The following EIF4G3 variants were observed in gnomAD, a reference collection of about 807,000 sequenced individuals.
EIF4G3 encodes the protein eukaryotic translation initiation factor 4 gamma 3.
A neutral mutation model predicts 186.4 loss-of-function variants in EIF4G3; 34 were observed. The observed-to-expected ratio is 0.18, with a 90% confidence interval of 0.14 to 0.24. EIF4G3 has a LOEUF of 0.24. Among genes scored for constraint, EIF4G3 ranks in the 10% least tolerant of loss-of-function variants. The probability of loss-of-function intolerance (pLI) is 1.00; values close to 1 mark genes in which losing one functional copy is unlikely to be tolerated. For synonymous variants in EIF4G3, 673 were observed against 679.5 expected, an observed-to-expected ratio of 0.99 and a Z score of 0.15; for missense variants, 1,536 against 1,948.5, an observed-to-expected ratio of 0.79 and a Z score of 3.99.
rs765396267 is a variant in EIF4G3, at chr1:21,125,769, TATACACAC to T, written c.-271-36564_-271-36557del. On this transcript the variant is annotated intron_variant, in intron 2 of 36. Coordinates refer to ENST00000602326, the MANE Select transcript of EIF4G3 (RefSeq NM_001391906.1). The stretch of plus-strand genomic sequence containing the variant: ...AATATATATAATTTTTTTATATATA[TATACACAC>T]ACACACACACACACACACACACACA... Among the ~76,000 whole-genome samples the T allele has an allele frequency of 3.4e-3, 387 of 114,494 alleles. 1 individual carries two copies. Among genetic ancestry groups the T allele is most frequent in the African/African-American group, 8.4e-3 (241 of 28,574 alleles). 75.1% of individuals were successfully genotyped at this position (114,494 alleles called of 152,430 possible).
chr1:21,031,109 C>T (rs550621114), intron 4 of EIF4G3, among the ~76,000 whole-genome samples: 76 of 152,008 alleles, frequency 5.0e-4, no homozygotes, highest in African/African-American at 1.8e-3. Context: ...TCACTTGAAC[C>T]CAGGAGGTGT....
chr1:21,001,870 T>C (rs752911968), intron 5 of EIF4G3, among the ~76,000 whole-genome samples: 2 of 152,218 alleles, frequency 1.3e-5, no homozygotes, highest in Non-Finnish European at 2.9e-5. Flanking sequence ...TAGGAGCTAA[T>C]GCAATGAGGT....
chr1:21,117,889 T>A (rs1261618596), intron 2 of EIF4G3, among the ~76,000 whole-genome samples: 1 of 152,118 alleles, frequency 6.6e-6, no homozygotes, highest in Non-Finnish European at 1.5e-5. Flanking sequence ...CTACTAGGTC[T>A]TTGTTCAACA....
chr1:20,998,930 C>A (rs2082895901), intron 6 of EIF4G3: 4 of 286,844 alleles, frequency 1.4e-5, no homozygotes, highest in Non-Finnish European at 2.9e-5. Flanking sequence ...CAGCTTAACA[C>A]TACAGATGAA....
chr1:21,176,578 G>GCCGCCGCCGCCGCCTCCGCCT (rs2098115265), intron 1 of EIF4G3, 144 bp downstream of exon 1: 1 of 159,810 alleles, frequency 6.3e-6, no homozygotes, highest in Non-Finnish European at 1.3e-5. Context: ...CGCCGCCGCC[G>GCCGCCGCCGCCGCCTCCGCCT]CCGCCGCCGC....
chr1:20,844,426 T>C (rs1471026706), intron 29 of EIF4G3, among the ~76,000 whole-genome samples: 1 of 152,230 alleles, frequency 6.6e-6, no homozygotes, highest in Non-Finnish European at 1.5e-5. Context: ...TATCTTGTGA[T>C]TGTTGGCCAC....
intron 4 of EIF4G3, among the ~76,000 whole-genome samples, chr1:21,036,784 G>A (rs2093240012): frequency 6.6e-6 from 1 of 152,146 alleles, no homozygotes; most frequent in Non-Finnish European, 1.5e-5. Flanking sequence ...GAGAGGCTGA[G>A]GTGGGAGGAT....
At chr1:20,866,685 G>C (rs1469105445) in intron 20 of EIF4G3, among the ~76,000 whole-genome samples, 1 of 152,014 alleles carries the variant, frequency 6.6e-6, no homozygotes, top group Non-Finnish European at 1.5e-5. Context: ...ACACAATAAT[G>C]GACTAAGAAA....
intron 6 of EIF4G3, among the ~76,000 whole-genome samples, chr1:21,000,366 C>T (rs1474997369): frequency 2.0e-5 from 3 of 152,000 alleles, no homozygotes; most frequent in African/African-American, 4.8e-5. Flanking sequence ...ACAGAAAAGC[C>T]TAAAACTGCG....
At chr1:20,882,299 C>T (rs754680682) in intron 19 of EIF4G3, among the ~76,000 whole-genome samples, 1 of 151,972 alleles carries the variant, frequency 6.6e-6, no homozygotes, top group African/African-American at 2.4e-5. Flanking sequence ...CTGCAGGAGG[C>T]CAGGAGTTTG....
Position 20,860,427 on chromosome 1 carries a change from T to C in EIF4G3, c.3202A>G (p.Arg1068Gly). 6.2e-7 allele frequency: 1 copy of C among 1,614,162 alleles called. No homozygotes were observed. The highest frequency in any genetic ancestry group is 8.5e-7 in the Non-Finnish European group (1 of 1,180,008). ...TTGGTCATGAGTTGCTGGACCTTCCTTTGCTCTTCTTGTTCTTCTATTTTA... is the reference window on the plus strand; with the variant it reads ...TTGGTCATGAGTTGCTGGACCTTCCCTTGCTCTTCTTGTTCTTCTATTTTA... Reference protein sequence around the residue: ...EAKIEEQEEQRKVQQLMTKEK... With the variant: ...EAKIEEQEEQGKVQQLMTKEK... Residue 1068 changes from arginine (R) to glycine (G), a missense_variant, in exon 24 of 37, where the codon AGG becomes GGG. Physicochemically the swap from Arg to Gly is moderately radical, Grantham distance 125. Coordinates refer to ENST00000602326, the MANE Select transcript of EIF4G3 (RefSeq NM_001391906.1).
At position 20,899,983 on chromosome 1, in the gene EIF4G3, C is replaced by T. The variant is rs374520420; in HGVS notation, c.1753-40G>A. The T allele has an allele frequency of 3.4e-4, 542 of 1,576,154 alleles. 1 individual carries two copies. The highest frequency in any genetic ancestry group is 4.6e-4 in the South Asian group (39 of 84,064). On this transcript the variant is annotated intron_variant, in intron 15 of 36. Coordinates refer to ENST00000602326, the MANE Select transcript of EIF4G3 (RefSeq NM_001391906.1). ...AACAAAGAGGTTACATTTTTTTCCA[C>T]GGGTGTAAATATACATAAAAACCTA...
chr1:20,884,965 T>C (rs1231880059), intron 19 of EIF4G3, among the ~76,000 whole-genome samples: 1 of 152,254 alleles, frequency 6.6e-6, no homozygotes. Context: ...TAGGATAAAA[T>C]TGTTCCACCT....
intron 2 of EIF4G3, among the ~76,000 whole-genome samples, chr1:21,173,693 T>C (rs1289165597): frequency 6.6e-6 from 1 of 152,074 alleles, no homozygotes; most frequent in Non-Finnish European, 1.5e-5. Flanking sequence ...GTCTCAAAAA[T>C]AAATAAATAA....
rs751168079 is a variant in EIF4G3, at chr1:20,969,437, CA to C, written c.714+36del. 3.7e-6 allele frequency: 6 copies of C among 1,611,226 alleles called. No homozygotes were observed. In the African/African-American group the frequency reaches 8.0e-5, roughly 22 times the overall value. The stretch of plus-strand genomic sequence containing the variant: ...GAAGAGTTCAGTAGAGGTTAGTGAA[CA>C]AATAGTGCCATCCATTACAGCTCAC... On this transcript the variant is annotated intron_variant, in intron 12 of 36. Coordinates refer to ENST00000602326, the MANE Select transcript of EIF4G3 (RefSeq NM_001391906.1).
At chr1:20,999,296 A>G (rs543621650) in intron 6 of EIF4G3, 176 of 333,730 alleles carry the variant, frequency 5.3e-4, no homozygotes, top group Non-Finnish European at 9.7e-4. Flanking sequence ...TTTTCTCTTC[A>G]AAGAAATTGA....
intron 2 of EIF4G3, among the ~76,000 whole-genome samples, chr1:21,096,589 C>T (rs1362619488): frequency 6.6e-6 from 1 of 152,218 alleles, no homozygotes; most frequent in Non-Finnish European, 1.5e-5. Context: ...TTGGGTCCTA[C>T]ATCTGAACCA....
intron 33 of EIF4G3, among the ~76,000 whole-genome samples, chr1:20,819,845 A>G (rs1557773780): frequency 6.6e-6 from 1 of 152,184 alleles, no homozygotes; most frequent in Non-Finnish European, 1.5e-5. Context: ...TAAAAGTTAA[A>G]TTAACAAAAA....
intron 18 of EIF4G3, among the ~76,000 whole-genome samples, chr1:20,890,020 T>G (rs1558095520): frequency 6.6e-6 from 1 of 152,192 alleles, no homozygotes; most frequent in East Asian, 1.9e-4. Flanking sequence ...TCACCCAGGC[T>G]GGAGTGCAGT....
Sources: allele counts gnomAD v4.1 joint callset (sites outside exome capture counted in the v4.1 genomes callset), GRCh38; gene constraint gnomAD v4.1.1; transcripts MANE v1.5; gene names NCBI Gene and HGNC (gene_info 2026-07-23, HGNC 2026-07-21).